Variants in FLAD1 observed in about 807,000 individuals in gnomAD.
FLAD1 encodes the protein bifunctional FAD diphosphatase/FAD synthase.
A neutral mutation model predicts 55.0 loss-of-function variants in FLAD1; 35 were observed. That is an observed-to-expected ratio of 0.64 (90% CI 0.49 to 0.84). The LOEUF (loss-of-function observed/expected upper bound fraction) is 0.84, where lower values mean the gene tolerates loss of function less well. FLAD1 is among the 40% of genes least tolerant of loss of function. FLAD1 has a pLI of 0.00. For synonymous variants in FLAD1, 267 were observed against 303.0 expected (o/e 0.88, Z 1.23); for missense variants, 665 against 742.6 (o/e 0.90, Z 1.21).
In FLAD1 at chr1:154,983,627, TA is replaced by T; in HGVS notation, c.-65del. The T allele has an allele frequency of 6.6e-7, 1 of 1,511,294 alleles. No individual in the cohort carries two copies. The highest frequency in any genetic ancestry group is 8.9e-7 in the Non-Finnish European group (1 of 1,123,534). The allele number at this position is 1,511,294 out of a possible 1,614,324, so 93.6% of individuals were successfully genotyped here. ...ACCAGCTCAGCAAACGGAAGACACTTAAAGTGGTAGGTTCTCAAGAGAGAAG... is the reference window on the plus strand; with the variant it reads ...ACCAGCTCAGCAAACGGAAGACACTTAAGTGGTAGGTTCTCAAGAGAGAAG... On this transcript the variant is annotated 5_prime_UTR_variant, in exon 1 of 7. It removes the in-frame stop codon of an upstream open reading frame in the 5' UTR. Transcript: ENST00000292180.
chr1:154,992,137 C>T lies in FLAD1; in HGVS notation c.1555-576C>T, dbSNP rs1379432238. On this transcript the variant is annotated intron_variant, in intron 5 of 6. Coordinates refer to ENST00000292180, the MANE Select transcript of FLAD1 (RefSeq NM_025207.5). The stretch of plus-strand genomic sequence containing the variant: ...CAGCCTGGGTGACAGAGCAAGACTC[C>T]GTCTCAAAAAAAAAAAAAAAAATAG... 1.6e-4 allele frequency among the ~76,000 whole-genome samples: 17 copies of T among 106,126 alleles called. 1 individual carries two copies. Among genetic ancestry groups the T allele is most frequent in the Non-Finnish European group, 2.5e-4 (14 of 55,568 alleles). The allele number at this position is 106,126 out of a possible 152,430, so 69.6% of individuals were successfully genotyped here.
rs754900114 is a variant in FLAD1, at chr1:154,988,635, G to C, written c.903G>C (p.Gln301His). Residue 301 changes from glutamine to histidine, a missense_variant, in exon 2 of 7, where the codon CAG becomes CAC. By Grantham distance (24) the Gln-to-His change is conservative. Coordinates refer to ENST00000292180, the MANE Select transcript of FLAD1 (RefSeq NM_025207.5). ...ASIAPILAEA[Q>H]AHFGRRLGLG... ...TCGCCCCCATTCTGGCTGAGGCCCA[G>C]GCCCACTTTGGACGTAGGCTTGGCC... 6.2e-7 allele frequency: 1 copy of C among 1,614,222 alleles called. No homozygotes were observed. Among genetic ancestry groups the C allele is most frequent in the Non-Finnish European group, 8.5e-7 (1 of 1,180,042 alleles).
At chr1:154,991,653 A>G (rs192306151) in intron 5 of FLAD1, among the ~76,000 whole-genome samples, 1 of 152,254 alleles carries the variant, frequency 6.6e-6, no homozygotes, top group African/African-American at 2.4e-5. Flanking sequence ...CCATCATCAC[A>G]GGAAGTTCTG....
At position 154,989,597 on chromosome 1, in the gene FLAD1, G is replaced by T. The variant is rs1657774401; in HGVS notation, c.1155G>T (p.Gln385His). 1 of 1,601,234 alleles carries T rather than the reference G, an allele frequency of 6.2e-7. No homozygotes were observed. The highest frequency in any genetic ancestry group is 1.3e-5 in the African/African-American group (1 of 74,432). ...GGAAAAAGGTGGCAGGTGCCCTACA[G>T]ACCATTGAGACCTCCCTGGCTCAGT... ...SLGKKVAGAL[Q>H]TIETSLAQYS... The change falls in exon 3 of 7, where the codon CAG (glutamine) becomes CAT (histidine). Residue 385 changes from glutamine (Q) to histidine (H), a missense_variant. Coordinates refer to ENST00000292180, the MANE Select transcript of FLAD1 (RefSeq NM_025207.5).
At chr1:154,989,840 C>G in intron 3 of FLAD1, 133 bp downstream of exon 3, 2 of 1,013,550 alleles carry the variant, frequency 2.0e-6, no homozygotes, top group Non-Finnish European at 2.8e-6. Flanking sequence ...GTTCCATTCT[C>G]CCACCATATT....
chr1:154,987,693 T>G, intron 1 of FLAD1: 1 of 269,812 alleles, frequency 3.7e-6, no homozygotes, highest in Non-Finnish European at 7.1e-6. Context: ...TTCCAGCACT[T>G]TGGGAGGCTG....
intron 5 of FLAD1, 36 bp downstream of exon 5, chr1:154,990,564 C>A: frequency 1.3e-6 from 2 of 1,540,720 alleles, no homozygotes; most frequent in Admixed American, 1.9e-5. Context: ...TTCAGTCTCA[C>A]GTGCCCCAGC....
At chr1:154,987,598 C>T (rs1029209133) in intron 1 of FLAD1, 1 of 174,980 alleles carries the variant, frequency 5.7e-6, no homozygotes, top group African/African-American at 2.4e-5. Flanking sequence ...CGCCATTGTC[C>T]AGGTGAAAGG....
chr1:154,988,262 G>T lies in FLAD1; in HGVS notation c.530G>T (p.Gly177Val), dbSNP rs763964020. The T allele has an allele frequency of 2.5e-6, 4 of 1,614,218 alleles. No individual in the cohort carries two copies. The South Asian group carries it at 4.4e-5, about 18-fold the overall frequency. ...SNRFTHVLTA[G>V]GIGPTHDDVT... ...CGCTTCACCCATGTCCTCACAGCAG[G>T]GGGCATCGGCCCCACTCATGATGAT... The change falls in exon 2 of 7, where the codon GGG becomes GTG. Residue 177 changes from glycine (G) to valine (V), a missense_variant. By Grantham distance (109) the Gly-to-Val change is moderately radical (BLOSUM62 -3). Coordinates refer to ENST00000292180, the MANE Select transcript of FLAD1 (RefSeq NM_025207.5).
chr1:154,987,212 A>G (rs1042453556), intron 1 of FLAD1, among the ~76,000 whole-genome samples: 2 of 151,870 alleles, frequency 1.3e-5, no homozygotes, highest in Non-Finnish European at 2.9e-5. Flanking sequence ...ATTTTTTTGT[A>G]GAGATGGGGT....
intron 2 of FLAD1, 149 bp from the exon 3 acceptor site, chr1:154,989,411 G>A (rs1319530710): frequency 1.3e-6 from 1 of 758,460 alleles, no homozygotes; most frequent in Non-Finnish European, 2.0e-6. Flanking sequence ...GCAGACTGCA[G>A]GGCCTAGCGG....
Position 154,992,798 on chromosome 1 carries a change from A to G in FLAD1, c.1628+12A>G. 6.2e-7 allele frequency: 1 copy of G among 1,614,148 alleles called. No homozygotes were observed. The highest frequency in any genetic ancestry group is 2.2e-5 in the East Asian group (1 of 44,876). ...CTGTATGACCGAGGGTAAGGGTATT[A>G]GGGGAAGGGAATGGGTAAGGGAGTT... On this transcript the variant is annotated intron_variant, in intron 6 of 6. Coordinates refer to ENST00000292180, the MANE Select transcript of FLAD1 (RefSeq NM_025207.5).
Position 154,988,462 on chromosome 1 carries a change from C to T in FLAD1, c.730C>T (p.Pro244Ser). The change falls in exon 2 of 7, where the codon CCT becomes TCT. Residue 244 changes from proline (P) to serine (S), a missense_variant. Coordinates refer to ENST00000292180, the MANE Select transcript of FLAD1 (RefSeq NM_025207.5). ...DPCTGQPFRF[P>S]LVSVRNVYLF... is the part of the protein sequence containing the mutation. The stretch of plus-strand genomic sequence containing the variant: ...TTGCACTGGTCAACCTTTCAGATTC[C>T]CTCTGGTCTCCGTCCGAAACGTCTA... 4 of 1,614,262 alleles carry T rather than the reference C, an allele frequency of 2.5e-6. No individual in the cohort carries two copies. The highest frequency in any genetic ancestry group is 3.4e-6 in the Non-Finnish European group (4 of 1,180,052).
chr1:154,986,685 C>A (rs147834013), intron 1 of FLAD1, among the ~76,000 whole-genome samples: 1 of 150,146 alleles, frequency 6.7e-6, no homozygotes, highest in East Asian at 1.9e-4. Flanking sequence ...GCATGAGCAA[C>A]CTTGCCCAGC....
rs377174835 is a variant in FLAD1, at chr1:154,992,892, C to G, written c.1629-10C>G. The G allele has an allele frequency of 3.3e-5, 54 of 1,614,070 alleles. No homozygotes were observed. In the African/African-American group the frequency reaches 7.1e-4, roughly 21 times the overall value. ...TACCACATGCTTGCCCTCCACCCTC[C>G]CTGCTCCAGATACACATCACTGGGG... On this transcript the variant is annotated splice_polypyrimidine_tract_variant and intron_variant, in intron 6 of 6. Coordinates refer to ENST00000292180, the MANE Select transcript of FLAD1 (RefSeq NM_025207.5).
Position 154,988,568 on chromosome 1 carries a change from T to C in FLAD1, c.836T>C (p.Phe279Ser). The stretch of plus-strand genomic sequence containing the variant: ...CTATTCCAAAACCCAGCTGTTCAGT[T>C]CCACTCAAAGGAGCTATATGTGGCT... Reference protein sequence around the residue: ...KGLFQNPAVQFHSKELYVAAD... With the variant: ...KGLFQNPAVQSHSKELYVAAD... The change falls in exon 2 of 7, where the codon TTC becomes TCC. Residue 279 changes from phenylalanine to serine, a missense_variant. By Grantham distance (155) the Phe-to-Ser change is radical (BLOSUM62 -2). Transcript: ENST00000292180. The C allele has an allele frequency of 6.2e-7, 1 of 1,614,192 alleles. No homozygotes were observed. The highest frequency in any genetic ancestry group is 8.5e-7 in the Non-Finnish European group (1 of 1,180,036).
At chr1:154,991,550 G>A (rs145051241) in intron 5 of FLAD1, among the ~76,000 whole-genome samples, 1,700 of 151,832 alleles carry the variant, frequency 0.011, 12 homozygotes, top group Non-Finnish European at 0.017. Flanking sequence ...GTGAGACTCC[G>A]TCCAAACAAA....
At chr1:154,992,591 G>T in intron 5 of FLAD1, 122 bp from the exon 6 acceptor site, 1 of 1,613,968 alleles carries the variant, frequency 6.2e-7, no homozygotes, top group Admixed American at 1.7e-5. Flanking sequence ...GAATCAGATA[G>T]CAAGCCCTCC....
intron 1 of FLAD1, among the ~76,000 whole-genome samples, chr1:154,984,772 G>A (rs1214181029): frequency 5.3e-5 from 8 of 151,806 alleles, no homozygotes; most frequent in South Asian, 2.1e-4. Flanking sequence ...GGTACTCAGC[G>A]TAGTGGATAA....
Sources: gnomAD v4.1 joint callset for allele counts (sites outside exome capture counted in the v4.1 genomes callset) on GRCh38, gnomAD v4.1.1 for gene constraint, MANE v1.5 for transcripts, NCBI Gene and HGNC (gene_info 2026-07-23, HGNC 2026-07-21) for gene names.